Variants in GRM7 observed in about 807,000 individuals in gnomAD.
GRM7 encodes glutamate metabotropic receptor 7, also known as metabotropic glutamate receptor 7.
GRM7 carries 35 observed loss-of-function variants against 84.5 expected under a neutral mutation model. The ratio of observed to expected loss-of-function variants is 0.41; its 90% CI spans 0.32 to 0.55. The LOEUF (loss-of-function observed/expected upper bound fraction) is 0.55. GRM7 is among the 20% of genes least tolerant of loss of function. The pLI, the probability that GRM7 is intolerant of heterozygous loss-of-function variation, is 0.19. For synonymous variants in GRM7, 487 were observed against 455.1 expected, an observed-to-expected ratio of 1.07 and a Z score of -0.89; for missense variants, 1,003 against 1,194.6, an observed-to-expected ratio of 0.84 and a Z score of 2.36.
intron 5 of GRM7, among the ~76,000 whole-genome samples, chr3:7,426,963 C>CCT (rs1045188445): frequency 6.6e-6 from 1 of 152,104 alleles, no homozygotes; most frequent in African/African-American, 2.4e-5. Flanking sequence ...CTTGTGTTTC[C>CCT]CTAAAGGTGC....
rs547236516 is a variant in GRM7, at chr3:7,649,324, C to G, written c.2452-30725C>G. Among the ~76,000 whole-genome samples, 13 of 152,232 alleles carry G rather than the reference C, an allele frequency of 8.5e-5. No individual in the cohort carries two copies. In the South Asian group the frequency reaches 2.7e-3, roughly 32 times the overall value. On this transcript the variant is annotated intron_variant, in intron 8 of 9. Transcript: ENST00000357716. ...GACCTCGTGATCCTCCTGCCTCGGCCTCCCAAAGTGCTGGGATTACAGCAA... is the reference window on the plus strand; with the variant it reads ...GACCTCGTGATCCTCCTGCCTCGGCGTCCCAAAGTGCTGGGATTACAGCAA...
At chr3:7,198,988 A>G (rs6768750) in intron 2 of GRM7, among the ~76,000 whole-genome samples, 108,548 of 152,090 alleles carry the variant, frequency 0.71, 40,659 homozygotes, top group African/African-American at 0.93. Context: ...AGGTATGGCC[A>G]TTTCTGTTAT....
intron 1 of GRM7, among the ~76,000 whole-genome samples, chr3:7,022,966 TC>T (rs1286894719): frequency 7.9e-5 from 12 of 152,152 alleles, no homozygotes; most frequent in Non-Finnish European, 1.8e-4. Context: ...ATACCCTTTT[TC>T]ACAGGGGAGA....
Position 6,971,868 on chromosome 3 carries a change from T to A in GRM7, c.519+109961T>A, listed in dbSNP as rs534423537. 9.8e-5 allele frequency among the ~76,000 whole-genome samples: 15 copies of A among 152,334 alleles called. No homozygotes were observed. The South Asian group carries it at 2.5e-3, about 25-fold the overall frequency. On this transcript the variant is annotated intron_variant, in intron 1 of 9. Coordinates refer to ENST00000357716, the MANE Select transcript of GRM7 (RefSeq NM_000844.4). ...TTTGCAGAGCTCATCATGGTTGTTT[T>A]ATTAAAACTAAAAGTAAAGCTTAGA...
At chr3:7,136,793 A>G (rs1249233274) in intron 1 of GRM7, among the ~76,000 whole-genome samples, 6 of 152,136 alleles carry the variant, frequency 3.9e-5, no homozygotes. Flanking sequence ...AGTGGTATCC[A>G]ATGGGGAAAC....
At chr3:7,439,544 G>A (rs970687724) in intron 5 of GRM7, among the ~76,000 whole-genome samples, 1 of 152,160 alleles carries the variant, frequency 6.6e-6, no homozygotes, top group Non-Finnish European at 1.5e-5. Flanking sequence ...TAACTTGTGG[G>A]CTGCAGATAT....
intron 8 of GRM7, among the ~76,000 whole-genome samples, chr3:7,672,146 T>C (rs1034202066): frequency 6.6e-6 from 1 of 152,170 alleles, no homozygotes; most frequent in Admixed American, 6.5e-5. Flanking sequence ...TCATGTATTA[T>C]TTCATACTTT....
chr3:6,912,166 T>A (rs568937644), intron 1 of GRM7, among the ~76,000 whole-genome samples: 1 of 152,282 alleles, frequency 6.6e-6, no homozygotes, highest in South Asian at 2.1e-4. Flanking sequence ...TGATATCAAG[T>A]AAAGGAAAGT....
At chr3:7,468,399 C>G (rs1319961751) in intron 7 of GRM7, among the ~76,000 whole-genome samples, 1 of 152,116 alleles carries the variant, frequency 6.6e-6, no homozygotes, top group Non-Finnish European at 1.5e-5. Flanking sequence ...GGATCTGAGT[C>G]TCAGTTCTAC....
chr3:7,410,653 C>T lies in GRM7; in HGVS notation c.1034-4370C>T. On this transcript the variant is annotated intron_variant, in intron 4 of 9. Transcript: ENST00000357716. ...TACACACATACACACAAAACCACCA[C>T]CACCACACACACACACACACACACA... Among the ~76,000 whole-genome samples, 3 of 145,494 alleles carry T rather than the reference C, an allele frequency of 2.1e-5. No homozygotes were observed. In the South Asian group the frequency reaches 6.7e-4, roughly 32 times the overall value.
At chr3:7,705,873 A>G (rs966364499) in intron 9 of GRM7, among the ~76,000 whole-genome samples, 1 of 152,208 alleles carries the variant, frequency 6.6e-6, no homozygotes, top group African/African-American at 2.4e-5. Flanking sequence ...AGGTAAGAAG[A>G]TAAAGAGTAC....
chr3:6,958,851 T>A (rs1310167386), intron 1 of GRM7, among the ~76,000 whole-genome samples: 2 of 152,136 alleles, frequency 1.3e-5, no homozygotes, highest in Non-Finnish European at 2.9e-5. Flanking sequence ...TAGAGCATAT[T>A]AGAAGCAGAA....
intron 4 of GRM7, among the ~76,000 whole-genome samples, chr3:7,352,078 C>G (rs1229686333): frequency 6.6e-6 from 1 of 150,536 alleles, no homozygotes; most frequent in Non-Finnish European, 1.5e-5. Flanking sequence ...CACACACACA[C>G]ACACACACAC....
chr3:7,562,841 G>C (rs536964174), intron 7 of GRM7, among the ~76,000 whole-genome samples: 2 of 152,108 alleles, frequency 1.3e-5, no homozygotes, highest in Non-Finnish European at 2.9e-5. Context: ...TGATGTGTCT[G>C]TATTGGATAG....
At chr3:7,413,086 T>C (rs1289705125) in intron 4 of GRM7, among the ~76,000 whole-genome samples, 1 of 152,276 alleles carries the variant, frequency 6.6e-6, no homozygotes, top group East Asian at 1.9e-4. Context: ...TAACTGTATG[T>C]CTTGTATTGG....
chr3:7,038,863 A>T (rs1190647978), intron 1 of GRM7, among the ~76,000 whole-genome samples: 1 of 151,944 alleles, frequency 6.6e-6, no homozygotes, highest in African/African-American at 2.4e-5. Flanking sequence ...CCCTTTTTTT[A>T]AAAAATTATA....
chr3:6,900,019 A>G (rs1696328538), intron 1 of GRM7, among the ~76,000 whole-genome samples: 1 of 152,218 alleles, frequency 6.6e-6, no homozygotes, highest in Non-Finnish European at 1.5e-5. Context: ...AATTGGAGCA[A>G]TAATGGATAC....
intron 1 of GRM7, among the ~76,000 whole-genome samples, chr3:7,033,508 T>C (rs1187483618): frequency 1.3e-5 from 2 of 152,190 alleles, no homozygotes; most frequent in East Asian, 3.9e-4. Flanking sequence ...TAAAACTTCT[T>C]CTCATGCTCA....
chr3:7,167,387 C>T (rs1233258443), intron 2 of GRM7, among the ~76,000 whole-genome samples: 1 of 152,170 alleles, frequency 6.6e-6, no homozygotes, highest in Non-Finnish European at 1.5e-5. Context: ...GGTTTCCACA[C>T]ATCCCTGCAT....
Sources: allele counts gnomAD v4.1 joint callset (sites outside exome capture counted in the v4.1 genomes callset), GRCh38; gene constraint gnomAD v4.1.1; transcripts MANE v1.5; gene names NCBI Gene and HGNC (gene_info 2026-07-23, HGNC 2026-07-21).